The following CPZ variants were observed in gnomAD, a reference collection of about 807,000 sequenced individuals.
The protein encoded by CPZ is carboxypeptidase Z, also known as VEZT/CPZ fusion.
In CPZ, 103 loss-of-function variants were observed where a neutral mutation model predicts 61.8. That is an observed-to-expected ratio of 1.67 (90% CI 1.42 to 1.96). The LOEUF is 1.96. CPZ is among the 30% of genes most tolerant of loss of function. CPZ has a pLI of 0.00. For missense variants in CPZ, 1,461 were observed against 914.9 expected (o/e 1.60, Z -7.70); for synonymous variants, 551 against 373.7 (o/e 1.47, Z -5.47).
chr4:8,599,419 C>T lies in CPZ; in HGVS notation c.89-34C>T, dbSNP rs371453540. 1.9e-4 allele frequency: 301 copies of T among 1,576,644 alleles called. 4 individuals carry two copies. The South Asian group carries it at 2.7e-3, about 14-fold the overall frequency. On this transcript the variant is annotated intron_variant, in intron 1 of 10. Coordinates refer to ENST00000360986, the MANE Select transcript of CPZ (RefSeq NM_001014447.3). The stretch of plus-strand genomic sequence containing the variant: ...GCCCGGTGAGTGAAGGATGGCGAGG[C>T]AGGTCCCTAACAGTGCCATGTCTCT...
At chr4:8,611,729 G>A (rs1715711605) in intron 7 of CPZ, among the ~76,000 whole-genome samples, 1 of 152,008 alleles carries the variant, frequency 6.6e-6, no homozygotes, top group Non-Finnish European at 1.5e-5. Flanking sequence ...TGTAACCTCA[G>A]GAGAGAAAGC....
intron 2 of CPZ, 55 bp from the exon 3 acceptor site, chr4:8,601,068 C>T (rs1399322904): frequency 8.6e-6 from 13 of 1,515,016 alleles, no homozygotes; most frequent in East Asian, 2.3e-5. Flanking sequence ...ATGTCTGATG[C>T]GTGACGGTCA....
intron 9 of CPZ, 80 bp downstream of exon 9, chr4:8,614,578 C>A (rs938999480): frequency 5.3e-5 from 78 of 1,484,880 alleles, no homozygotes; most frequent in Non-Finnish European, 6.9e-5. Context: ...CAGGGCAGCC[C>A]CCGTAGCCTC....
chr4:8,611,417 C>T (rs79090862), intron 7 of CPZ: 8,952 of 412,478 alleles, frequency 0.022, 158 homozygotes, highest in Non-Finnish European at 0.032. Flanking sequence ...CACATCCAAA[C>T]ATGTCAAGGG....
chr4:8,616,899 T>G (rs900119949), intron 9 of CPZ, among the ~76,000 whole-genome samples: 1 of 152,148 alleles, frequency 6.6e-6, no homozygotes, highest in Non-Finnish European at 1.5e-5. Context: ...CAGGGGGCAG[T>G]GGCTGTCAGT....
intron 9 of CPZ, among the ~76,000 whole-genome samples, chr4:8,616,407 G>A (rs777818391): frequency 1.3e-5 from 2 of 152,186 alleles, no homozygotes; most frequent in African/African-American, 4.8e-5. Flanking sequence ...GCAGGCTGAT[G>A]CTGAGGGCCT....
At chr4:8,596,818 G>A (rs1205315194) in intron 1 of CPZ, among the ~76,000 whole-genome samples, 6 of 152,236 alleles carry the variant, frequency 3.9e-5, no homozygotes, top group African/African-American at 1.2e-4. Context: ...TTGTGTGGGC[G>A]CTTGGTGGCT....
In CPZ at chr4:8,614,426, G is replaced by C. The variant is rs1470742159; in HGVS notation, c.1431G>C (p.Lys477Asn). Reference protein sequence around the residue: ...FEITVELGCVKFPPEEALYIL... With the variant: ...FEITVELGCVNFPPEEALYIL... ...TCACGGTAGAGCTGGGCTGTGTGAA[G>C]TTCCCCCCCGAGGAGGCCCTGTACA... Residue 477 changes from lysine (K) to asparagine (N), a missense_variant, in exon 9 of 11, where the codon AAG becomes AAC. Lys to Asn is a moderately conservative substitution (Grantham distance 94). Transcript: ENST00000360986. The C allele has an allele frequency of 6.2e-7, 1 of 1,614,064 alleles. No homozygotes were observed. Among genetic ancestry groups the C allele is most frequent in the Non-Finnish European group, 8.5e-7 (1 of 1,179,984 alleles).
Position 8,601,242 on chromosome 4 carries a change from C to T in CPZ, c.241C>T (p.Leu81=). 2 of 1,613,542 alleles carry T rather than the reference C, an allele frequency of 1.2e-6. No homozygotes were observed. The highest frequency in any genetic ancestry group is 8.5e-7 in the Non-Finnish European group (1 of 1,179,922). Residue 81 remains leucine (L), a synonymous_variant, in exon 3 of 11, where the codon CTG becomes TTG. Transcript: ENST00000360986. ...EVVEASSEYI[L]LSVLHQLLEG... ...GGTGGAGGCCAGCTCCGAGTACATC[C>T]TGCTGAGCGTTCTACACCAGCTCCT...
In CPZ at chr4:8,616,513, G is replaced by GTGGGGCCC. The variant is rs1560304230; in HGVS notation, c.1504-1910_1504-1903dup. Among the ~76,000 whole-genome samples, 3 of 152,328 alleles carry GTGGGGCCC rather than the reference G, an allele frequency of 2.0e-5. No homozygotes were observed. In the East Asian group the frequency reaches 5.8e-4, roughly 29 times the overall value. On this transcript the variant is annotated intron_variant, in intron 9 of 10. Coordinates refer to ENST00000360986, the MANE Select transcript of CPZ (RefSeq NM_001014447.3). ...GCTGGCAGAGAGGAAGACTGGGGCCGTGGGGCCCTGGGGTAGGCCCCCAGT... is the reference window on the plus strand; with the variant it reads ...GCTGGCAGAGAGGAAGACTGGGGCCGTGGGGCCCTGGGGCCCTGGGGTAGGCCCCCAGT...
chr4:8,609,118 CCTCACTCATTCACTCATTTA>C, intron 7 of CPZ, among the ~76,000 whole-genome samples: 1 of 77,428 alleles, frequency 1.3e-5, no homozygotes, highest in East Asian at 4.6e-4. Context: ...TTCCTCACTC[CCTCACTCATTCACTCATTTA>C]CTCATTCACC....
At chr4:8,611,197 TTGG>T (rs929525867) in intron 7 of CPZ, 1 of 455,736 alleles carries the variant, frequency 2.2e-6, no homozygotes, top group Non-Finnish European at 4.4e-6. Context: ...CCTGTCCTGC[TTGG>T]TGGGGCCCTG....
At chr4:8,613,712 G>A (rs775589990) in intron 8 of CPZ, among the ~76,000 whole-genome samples, 75 of 152,224 alleles carry the variant, frequency 4.9e-4, no homozygotes, top group Non-Finnish European at 9.4e-4. Context: ...TGGCACAGAG[G>A]GCAGAAGCGG....
intron 1 of CPZ, 72 bp from the exon 2 acceptor site, chr4:8,599,381 C>G (rs907052775): frequency 1.3e-6 from 2 of 1,512,268 alleles, no homozygotes; most frequent in Non-Finnish European, 1.8e-6. Flanking sequence ...ACTCAGGGCC[C>G]TGGCCGTGTG....
chr4:8,618,940 G>T (rs181091233), intron 10 of CPZ, among the ~76,000 whole-genome samples: 1 of 152,074 alleles, frequency 6.6e-6, no homozygotes, highest in Non-Finnish European at 1.5e-5. Context: ...GAAAAATGAC[G>T]GTATGCTGTG....
Position 8,619,615 on chromosome 4 carries a change from T to A in CPZ, c.1957T>A (p.Ter653LysextTer39), listed in dbSNP as rs201944132. The A allele has an allele frequency of 1.3e-5, 19 of 1,492,748 alleles. No individual in the cohort carries two copies. 92.5% of individuals were successfully genotyped at this position (1,492,748 alleles called of 1,614,324 possible). The change falls in exon 11 of 11, where the codon TAG (stop) becomes AAG (lysine). Residue 653 changes from the stop codon to lysine, a stop_lost. Coordinates refer to ENST00000360986, the MANE Select transcript of CPZ (RefSeq NM_001014447.3). ...CAGGCCACGCTGGCTGCTCAAGTAC[T>A]AGCCCCGGCCCCAGCACCCGCCAGG... ...THRPRWLLKY[*>K]
intron 7 of CPZ, among the ~76,000 whole-genome samples, chr4:8,608,520 C>T (rs1217115179): frequency 1.3e-5 from 2 of 152,092 alleles, no homozygotes; most frequent in African/African-American, 2.4e-5. Flanking sequence ...GTCCTGGGGC[C>T]ATCATTGGGA....
chr4:8,614,489 C>T lies in CPZ; in HGVS notation c.1494C>T (p.Phe498=), dbSNP rs757742012. 9.2e-5 allele frequency: 148 copies of T among 1,613,246 alleles called. No individual in the cohort carries two copies. Among genetic ancestry groups the T allele is most frequent in the African/African-American group, 2.5e-4 (19 of 74,930 alleles). ...ACAACAAGGAGTCACTCCTGAATTT[C>T]GTGGAGACGGTGAGTTCTGACGGTC... ...WQHNKESLLN[F]VETVHRGIKG... The change falls in exon 9 of 11, where the codon TTC becomes TTT. Residue 498 remains phenylalanine, a synonymous_variant. Transcript: ENST00000360986.
At position 8,607,263 on chromosome 4, in the gene CPZ, G is replaced by C. The variant is rs200800800; in HGVS notation, c.1069-4G>C. Reference sequence around the variant, plus strand: ...CTGAGGGCGGCCTCGTCTGTCCTGGGCAGGTGGCCCCGGAGACAAAGGCAA... The same window carrying C: ...CTGAGGGCGGCCTCGTCTGTCCTGGCCAGGTGGCCCCGGAGACAAAGGCAA... On this transcript the variant is annotated splice_polypyrimidine_tract_variant and splice_region_variant and intron_variant, in intron 6 of 10. Coordinates refer to ENST00000360986, the MANE Select transcript of CPZ (RefSeq NM_001014447.3). 1.9e-6 allele frequency: 3 copies of C among 1,613,948 alleles called. No homozygotes were observed. In the African/African-American group the frequency reaches 4.0e-5, roughly 22 times the overall value.
Sources: allele counts gnomAD v4.1 joint callset (sites outside exome capture counted in the v4.1 genomes callset), GRCh38; gene constraint gnomAD v4.1.1; transcripts MANE v1.5; gene names NCBI Gene and HGNC (gene_info 2026-07-23, HGNC 2026-07-21).